The following ADAMTS19 variants were observed in gnomAD, a reference collection of about 807,000 sequenced individuals.
ADAMTS19 encodes the protein A disintegrin and metalloproteinase with thrombospondin motifs 19.
ADAMTS19 carries 93 observed loss-of-function variants against 153.3 expected under a neutral mutation model. That is an observed-to-expected ratio of 0.61 (90% CI 0.51 to 0.72). ADAMTS19 has a LOEUF of 0.72. Among genes scored for constraint, ADAMTS19 ranks in the 30% least tolerant of loss-of-function variants. ADAMTS19 has a pLI of 0.00. For missense variants in ADAMTS19, 1,482 were observed against 1,552.1 expected (o/e 0.95, Z 0.76); for synonymous variants, 600 against 556.6 (o/e 1.08, Z -1.10).
At chr5:129,618,943 CAG>C (rs1320006940) in intron 8 of ADAMTS19, among the ~76,000 whole-genome samples, 2 of 151,902 alleles carry the variant, frequency 1.3e-5, no homozygotes, top group African/African-American at 4.8e-5. Flanking sequence ...ACATTGGTTA[CAG>C]AGTCTCAAGA....
At chr5:129,626,574 C>G (rs778329596) in intron 10 of ADAMTS19, among the ~76,000 whole-genome samples, 1 of 152,042 alleles carries the variant, frequency 6.6e-6, no homozygotes, top group African/African-American at 2.4e-5. Flanking sequence ...TCTCTCCACT[C>G]TTATACTCCA....
chr5:129,683,297 G>C (rs1202955471), intron 17 of ADAMTS19, among the ~76,000 whole-genome samples: 2 of 151,796 alleles, frequency 1.3e-5, no homozygotes, highest in Non-Finnish European at 2.9e-5. Flanking sequence ...TCTGAGCCTG[G>C]CACTGGGAAC....
chr5:129,648,849 A>G lies in ADAMTS19; in HGVS notation c.2055A>G (p.Ile685Met), dbSNP rs755483574. 4.3e-6 allele frequency: 7 copies of G among 1,614,024 alleles called. No individual in the cohort carries two copies. Among genetic ancestry groups the G allele is most frequent in the Non-Finnish European group, 5.9e-6 (7 of 1,179,940 alleles). The change falls in exon 13 of 23, where the codon ATA (isoleucine) becomes ATG (methionine). Residue 685 changes from isoleucine (I) to methionine (M), a missense_variant. Ile to Met is a conservative substitution (Grantham distance 10). Coordinates refer to ENST00000274487, the MANE Select transcript of ADAMTS19 (RefSeq NM_133638.6). Reference protein sequence around the residue: ...DCNGPRKQYRICENPPCPAGL... With the variant: ...DCNGPRKQYRMCENPPCPAGL... ...ATGGTCCCAGAAAACAATACAGAAT[A>G]TGTGAGAATCCACCTTGTCCTGCAG...
chr5:129,734,942 C>T lies in ADAMTS19; in HGVS notation c.3323C>T (p.Thr1108Ile). 1.9e-6 allele frequency: 3 copies of T among 1,574,776 alleles called. No homozygotes were observed. The highest frequency in any genetic ancestry group is 2.6e-6 in the Non-Finnish European group (3 of 1,163,562). Residue 1108 changes from threonine to isoleucine, a missense_variant, in exon 22 of 23, where the codon ACC (threonine) becomes ATC (isoleucine). By Grantham distance (89) the Thr-to-Ile change is moderately conservative (BLOSUM62 -1). Coordinates refer to ENST00000274487, the MANE Select transcript of ADAMTS19 (RefSeq NM_133638.6). ...TTGTATTTCTCCTAGTGCTCAATTA[C>T]CTGTGGCAAAGGAATGCAGTCCCGT... ...RMGDWSKCSI[T>I]CGKGMQSRVI...
intron 6 of ADAMTS19, among the ~76,000 whole-genome samples, chr5:129,548,754 TAGCAA>T (rs1165279325): frequency 6.6e-6 from 1 of 151,864 alleles, no homozygotes; most frequent in Admixed American, 6.6e-5. Flanking sequence ...CTATTTACAA[TAGCAA>T]AGACTTGGAA....
intron 2 of ADAMTS19, among the ~76,000 whole-genome samples, chr5:129,462,425 A>T (rs1749705903): frequency 6.6e-6 from 1 of 152,184 alleles, no homozygotes; most frequent in African/African-American, 2.4e-5. Context: ...ATTTGACAGT[A>T]GTTCCTTTTC....
At chr5:129,567,002 G>C (rs1753740308) in intron 7 of ADAMTS19, among the ~76,000 whole-genome samples, 1 of 152,068 alleles carries the variant, frequency 6.6e-6, no homozygotes, top group African/African-American at 2.4e-5. Context: ...GAAGTGGAAG[G>C]TGCGAAAAAG....
chr5:129,696,426 G>A (rs1331065781), intron 19 of ADAMTS19, among the ~76,000 whole-genome samples: 1 of 152,050 alleles, frequency 6.6e-6, no homozygotes, highest in Non-Finnish European at 1.5e-5. Flanking sequence ...AAAAGAATTT[G>A]GAAAATACTT....
intron 10 of ADAMTS19, among the ~76,000 whole-genome samples, chr5:129,637,616 G>T (rs1443702401): frequency 1.3e-5 from 2 of 152,214 alleles, no homozygotes; most frequent in East Asian, 3.9e-4. Context: ...AGGCCGATGC[G>T]GGCGGATCAG....
chr5:129,516,807 C>A (rs994428431), intron 3 of ADAMTS19, among the ~76,000 whole-genome samples: 16 of 143,418 alleles, frequency 1.1e-4, no homozygotes, highest in Admixed American at 1.0e-3. Context: ...CTGCTCTGAT[C>A]TTTATTATTT....
Position 129,461,483 on chromosome 5 carries a change from C to G in ADAMTS19, c.473C>G (p.Pro158Arg). The G allele has an allele frequency of 6.8e-7, 1 of 1,480,498 alleles. No homozygotes were observed. The highest frequency in any genetic ancestry group is 1.3e-5 in the South Asian group (1 of 77,118). 91.7% of individuals were successfully genotyped at this position (1,480,498 alleles called of 1,614,324 possible). ...PPPPPQPPPS[P>R]PPAQHAEPDG... ...CCTCCCCCGCAGCCGCCCCCGTCCCCGCCCCCGGCCCAGCATGCCGAGCCG... is the reference window on the plus strand; with the variant it reads ...CCTCCCCCGCAGCCGCCCCCGTCCCGGCCCCCGGCCCAGCATGCCGAGCCG... Residue 158 changes from proline (P) to arginine (R), a missense_variant, in exon 2 of 23, where the codon CCG (proline) becomes CGG (arginine). Pro to Arg is a moderately radical substitution (Grantham distance 103). This residue lies in a region of ADAMTS19 where 866 missense variants were observed against 827.7 expected (regional missense o/e 1.05). Transcript: ENST00000274487. This position sits in a 1 kb window ranked among gnomAD's most constrained non-coding sequence, Gnocchi z 4.6.
rs533410769 is a variant in ADAMTS19 at position 129,615,183 on chromosome 5, CTACTT to C, written c.1479-5432_1479-5428del. On this transcript the variant is annotated intron_variant, in intron 8 of 22. Coordinates refer to ENST00000274487, the MANE Select transcript of ADAMTS19 (RefSeq NM_133638.6). ...ACTTTCTTCACAGAATTGGAAAAAA[CTACTT>C]TAAAGTTCATATGGAACCAAAAAAG... Among the ~76,000 whole-genome samples, 746 of 152,152 alleles carry C rather than the reference CTACTT, an allele frequency of 4.9e-3. 6 individuals carry two copies. Among genetic ancestry groups the C allele is most frequent in the African/African-American group, 0.017 (693 of 41,524 alleles).
At chr5:129,471,748 C>T (rs761975601) in intron 2 of ADAMTS19, among the ~76,000 whole-genome samples, 11 of 152,136 alleles carry the variant, frequency 7.2e-5, no homozygotes, top group Non-Finnish European at 1.2e-4. Flanking sequence ...TAGTTCCTCT[C>T]TATGTGTCCA....
chr5:129,649,103 G>T (rs2127043239), intron 13 of ADAMTS19, 133 bp downstream of exon 13: 1 of 838,720 alleles, frequency 1.2e-6, no homozygotes, highest in Non-Finnish European at 1.8e-6. Flanking sequence ...TACCTGTATG[G>T]ACATATAATA....
intron 6 of ADAMTS19, among the ~76,000 whole-genome samples, chr5:129,535,386 A>C (rs1752377450): frequency 6.6e-6 from 1 of 152,190 alleles, no homozygotes; most frequent in Admixed American, 6.5e-5. Flanking sequence ...GGAGAACTAC[A>C]AACCACTGCT....
At chr5:129,543,201 C>T (rs1284568910) in intron 6 of ADAMTS19, among the ~76,000 whole-genome samples, 1 of 151,858 alleles carries the variant, frequency 6.6e-6, no homozygotes, top group Non-Finnish European at 1.5e-5. Context: ...AGGGATGTGC[C>T]ACCACACCTG....
chr5:129,468,074 T>C (rs1052607038), intron 2 of ADAMTS19, among the ~76,000 whole-genome samples: 7 of 152,248 alleles, frequency 4.6e-5, no homozygotes, highest in African/African-American at 1.4e-4. Context: ...TTGGTGTTCC[T>C]GGATATTTGA....
At chr5:129,460,616 A>G in intron 1 of ADAMTS19, 134 bp downstream of exon 1, 4 of 959,380 alleles carry the variant, frequency 4.2e-6, no homozygotes, top group African/African-American at 1.6e-5. Context: ...AATGAGCTTG[A>G]GGTGCAGGTT....
At chr5:129,496,429 A>G (rs1750930204) in intron 2 of ADAMTS19, among the ~76,000 whole-genome samples, 1 of 152,102 alleles carries the variant, frequency 6.6e-6, no homozygotes, top group African/African-American at 2.4e-5. Context: ...TTTGACCTTT[A>G]ATTGAATCAT....
Sources: allele counts gnomAD v4.1 joint callset (sites outside exome capture counted in the v4.1 genomes callset), GRCh38; gene constraint gnomAD v4.1.1; regional missense constraint gnomAD v4.1.1; non-coding constraint Gnocchi (gnomAD v3.1); transcripts MANE v1.5; gene names NCBI Gene and HGNC (gene_info 2026-07-23, HGNC 2026-07-21).